TRIM22: variants seen among roughly 807,000 people sequenced by gnomAD.
TRIM22 encodes the protein tripartite motif containing 22, also known as E3 ubiquitin-protein ligase TRIM22.
TRIM22 carries 45 observed loss-of-function variants against 53.6 expected under a neutral mutation model. The observed-to-expected ratio is 0.84, with a 90% CI of 0.66 to 1.08. The LOEUF is 1.08. TRIM22 is among the 50% of genes least tolerant of loss of function. The probability of loss-of-function intolerance (pLI) is 0.00; values close to 1 mark genes in which losing one functional copy is unlikely to be tolerated. For synonymous variants in TRIM22, 225 were observed against 216.6 expected, an observed-to-expected ratio of 1.04 and a Z score of -0.34; for missense variants, 616 against 590.9, an observed-to-expected ratio of 1.04 and a Z score of -0.44.
At chr11:5,708,140 G>T in intron 5 of TRIM22, 33 bp from the exon 6 acceptor site, 2 of 1,518,922 alleles carry the variant, frequency 1.3e-6, no homozygotes, top group African/African-American at 1.4e-5. Context: ...ATAGGGCAAA[G>T]GTGTAAAGGT....
At chr11:5,705,181 T>C (rs1202146950) in intron 4 of TRIM22, among the ~76,000 whole-genome samples, 4 of 152,216 alleles carry the variant, frequency 2.6e-5, no homozygotes, top group Non-Finnish European at 5.9e-5. Context: ...TTTACAGTAA[T>C]TATTTTAAGA....
intron 1 of TRIM22, among the ~76,000 whole-genome samples, chr11:5,691,930 G>A (rs1289354047): frequency 1.3e-5 from 2 of 151,910 alleles, no homozygotes. Context: ...TCTAGTACAG[G>A]ACCCAATAAA....
chr11:5,708,319 C>T, intron 6 of TRIM22, 46 bp downstream of exon 6: 1 of 1,553,748 alleles, frequency 6.4e-7, no homozygotes, highest in South Asian at 1.1e-5. Context: ...TTCTTAGTAT[C>T]AGGGCTCAAT....
intron 5 of TRIM22, among the ~76,000 whole-genome samples, chr11:5,707,812 AAAAC>A (rs35942918): frequency 6.7e-4 from 101 of 151,828 alleles, no homozygotes; most frequent in Admixed American, 4.1e-3. Flanking sequence ...ACCCCATCTC[AAAAC>A]AAACAAACAA....
chr11:5,703,392 C>CT (rs35335605), intron 4 of TRIM22, among the ~76,000 whole-genome samples: 7 of 145,134 alleles, frequency 4.8e-5, no homozygotes, highest in South Asian at 2.2e-4. Context: ...CTTTTTTTTT[C>CT]TTTTTTTTTT....
chr11:5,709,924 C>A lies in TRIM22; in HGVS notation c.*276C>A. ...GAGGTCTGCAAGGAAGGGCTCTGTTCCATGCCTCTCTCCTTGGCTTGTAGA... is the reference window on the plus strand; with the variant it reads ...GAGGTCTGCAAGGAAGGGCTCTGTTACATGCCTCTCTCCTTGGCTTGTAGA... On this transcript the variant is annotated 3_prime_UTR_variant, in exon 8 of 8. Coordinates refer to ENST00000379965, the MANE Select transcript of TRIM22 (RefSeq NM_006074.5). 1 of 408,626 alleles carries A rather than the reference C, an allele frequency of 2.4e-6. No individual in the cohort carries two copies. Among genetic ancestry groups the A allele is most frequent in the Non-Finnish European group, 4.4e-6 (1 of 228,364 alleles). The allele number at this position is 408,626 out of a possible 1,614,324, so 25.3% of individuals were successfully genotyped here. A position where few individuals can be genotyped will look rare whatever the true frequency, so the allele number is the denominator to read the frequency against.
chr11:5,698,651 A>G, intron 4 of TRIM22, 106 bp downstream of exon 4: 1 of 955,078 alleles, frequency 1.0e-6, no homozygotes, highest in African/African-American at 1.6e-5. Flanking sequence ...TGGTGACATG[A>G]AATGGTTCCT....
chr11:5,693,069 T>C (rs1029634839), intron 1 of TRIM22, among the ~76,000 whole-genome samples: 10 of 151,590 alleles, frequency 6.6e-5, no homozygotes, highest in Admixed American at 2.6e-4. Flanking sequence ...TATTTTTTAG[T>C]AGATACGGGG....
chr11:5,698,159 A>G (rs1853300271), intron 3 of TRIM22, 156 bp from the exon 4 acceptor site: 4 of 634,018 alleles, frequency 6.3e-6, no homozygotes, highest in Non-Finnish European at 5.6e-6. Flanking sequence ...AAAAGTAGAA[A>G]AACATGGCTT....
chr11:5,709,008 C>A, intron 7 of TRIM22, 45 bp from the exon 8 acceptor site: 2 of 1,439,026 alleles, frequency 1.4e-6, no homozygotes, highest in Non-Finnish European at 1.9e-6. Context: ...CTGTAAGACA[C>A]ACCTATCCCA....
In TRIM22 at chr11:5,709,261, C is replaced by G; in HGVS notation, c.1110C>G (p.Gly370=). Residue 370 remains glycine (G), a synonymous_variant, in exon 8 of 8, where the codon GGC becomes GGG. Coordinates refer to ENST00000379965, the MANE Select transcript of TRIM22 (RefSeq NM_006074.5). ...CTGGAAAGATTGCCTGGATCCTGGG[C>G]GTACACAGTAAAATAAGTAGTCTGA... is the stretch of plus-strand genomic sequence containing the variant. ...DVSGKIAWIL[G]VHSKISSLNK... 6.2e-7 allele frequency: 1 copy of G among 1,614,074 alleles called. No individual in the cohort carries two copies. Among genetic ancestry groups the G allele is most frequent in the Non-Finnish European group, 8.5e-7 (1 of 1,180,016 alleles).
rs966627811 is a variant in TRIM22, at chr11:5,709,986, A to G, written c.*338A>G. On this transcript the variant is annotated 3_prime_UTR_variant, in exon 8 of 8. Transcript: ENST00000379965. ...CCCTATGACTCTTCACATTGTCTTT[A>G]TGTACATCTCTGTGCCCAAGTTTTC... is the stretch of plus-strand genomic sequence containing the variant. 4 of 240,390 alleles carry G rather than the reference A, an allele frequency of 1.7e-5. No individual in the cohort carries two copies. The highest frequency in any genetic ancestry group is 3.2e-5 in the Non-Finnish European group (4 of 123,492). 14.9% of individuals were successfully genotyped at this position (240,390 alleles called of 1,614,324 possible). A position where few individuals can be genotyped will look rare whatever the true frequency, so the allele number is the denominator to read the frequency against.
intron 1 of TRIM22, among the ~76,000 whole-genome samples, chr11:5,690,156 G>A (rs1853150892): frequency 1.3e-5 from 2 of 152,154 alleles, no homozygotes; most frequent in South Asian, 4.1e-4. Flanking sequence ...TTCAATCTAG[G>A]TACCTCCATC....
chr11:5,700,769 G>A (rs964925665), intron 4 of TRIM22, among the ~76,000 whole-genome samples: 2 of 151,494 alleles, frequency 1.3e-5, no homozygotes, highest in East Asian at 1.9e-4. Flanking sequence ...ACTGCAGGCC[G>A]CCCACCACCA....
rs565608322 is a variant in TRIM22, at chr11:5,707,673, G to A, written c.774-500G>A. On this transcript the variant is annotated intron_variant, in intron 5 of 7. Coordinates refer to ENST00000379965, the MANE Select transcript of TRIM22 (RefSeq NM_006074.5). ...AAAAGTACAAAAAAATTAGCTGGATGTGGTAGCAGGCACCTGTAATCCCAG... is the reference window on the plus strand; with the variant it reads ...AAAAGTACAAAAAAATTAGCTGGATATGGTAGCAGGCACCTGTAATCCCAG... 2.6e-5 allele frequency among the ~76,000 whole-genome samples: 4 copies of A among 152,156 alleles called. No individual in the cohort carries two copies. The South Asian group carries it at 6.2e-4, about 24-fold the overall frequency.
chr11:5,708,281 G>T lies in TRIM22; in HGVS notation c.874+8G>T. ...TGCTGCAAGTTCTTAAAGGTAAGGGGATTCAGGGGAAGGCTGTGAATGTGG... is the reference window on the plus strand; with the variant it reads ...TGCTGCAAGTTCTTAAAGGTAAGGGTATTCAGGGGAAGGCTGTGAATGTGG... On this transcript the variant is annotated splice_region_variant and intron_variant, in intron 6 of 7. Transcript: ENST00000379965. The T allele has an allele frequency of 6.2e-7, 1 of 1,608,656 alleles. No homozygotes were observed. Among genetic ancestry groups the T allele is most frequent in the East Asian group, 2.2e-5 (1 of 44,856 alleles).
At chr11:5,702,294 T>A (rs1049865687) in intron 4 of TRIM22, among the ~76,000 whole-genome samples, 5 of 145,364 alleles carry the variant, frequency 3.4e-5, no homozygotes, top group African/African-American at 1.0e-4. Flanking sequence ...GGTATATATA[T>A]AAATATAACT....
chr11:5,691,856 C>T (rs1853177887), intron 1 of TRIM22, among the ~76,000 whole-genome samples: 1 of 152,036 alleles, frequency 6.6e-6, no homozygotes, highest in African/African-American at 2.4e-5. Flanking sequence ...AGGTAACTGT[C>T]TCCTTATGTG....
chr11:5,692,587 A>C (rs12294511), intron 1 of TRIM22, among the ~76,000 whole-genome samples: 62,027 of 152,080 alleles, frequency 0.41, 13,010 homozygotes, highest in Non-Finnish European at 0.46. Flanking sequence ...AGGTTTCTGC[A>C]TGCCAAGAAC....
Sources: gnomAD v4.1 joint callset for allele counts (sites outside exome capture counted in the v4.1 genomes callset) on GRCh38, gnomAD v4.1.1 for gene constraint, MANE v1.5 for transcripts, NCBI Gene and HGNC (gene_info 2026-07-23, HGNC 2026-07-21) for gene names.